The following ELFN2 variants were observed in gnomAD, a reference collection of about 807,000 sequenced individuals.
ELFN2 encodes the protein extracellular leucine rich repeat and fibronectin type III domain containing 2.
Under a neutral mutation model 45.5 loss-of-function variants are expected in ELFN2, and 17 were observed. The observed-to-expected ratio is 0.37, with a 90% confidence interval of 0.26 to 0.56. The LOEUF is 0.56. ELFN2 is among the 20% of genes least tolerant of loss of function. ELFN2 has a pLI of 0.77. For missense variants in ELFN2, 922 were observed against 1,183.2 expected (o/e 0.78, Z 3.24); for synonymous variants, 550 against 551.5 (o/e 1.00, Z 0.04).
rs537282425 is a variant in ELFN2, at chr22:37,419,469, T to C, written c.-613-1550A>G. Among the ~76,000 whole-genome samples, 47 of 151,964 alleles carry C rather than the reference T, an allele frequency of 3.1e-4. No individual in the cohort carries two copies. In the South Asian group the frequency reaches 8.3e-3, roughly 27 times the overall value. On this transcript the variant is annotated intron_variant, in intron 1 of 2. Transcript: ENST00000402918. ...CGTGGGCCTAGAGACCAAGGTGCAC[T>C]GCACACAGCTGAACCAGAACACAGG...
intron 2 of ELFN2, among the ~76,000 whole-genome samples, chr22:37,395,651 C>T (rs752031816): frequency 6.6e-6 from 1 of 152,192 alleles, no homozygotes; most frequent in Non-Finnish European, 1.5e-5. Context: ...TTGGCTTCCT[C>T]ACCCACGGGG....
rs1218092250 is a variant in ELFN2 at position 37,368,909 on chromosome 22, G to A, written c.*4163C>T. ...ACCCACCCACCCACCCACCCTTCTG[G>A]CTCCTCTTGTCATTCACAGCTTGGC... On this transcript the variant is annotated 3_prime_UTR_variant, in exon 3 of 3. Coordinates refer to ENST00000402918, the MANE Select transcript of ELFN2 (RefSeq NM_052906.5). 6 of 47,838 alleles carry A rather than the reference G, an allele frequency of 1.3e-4. No individual in the cohort carries two copies. Among genetic ancestry groups the A allele is most frequent in the Non-Finnish European group, 2.4e-4 (6 of 25,254 alleles). 3.0% of individuals were successfully genotyped at this position (47,838 alleles called of 1,614,324 possible).
rs565629343 is a variant in ELFN2, at chr22:37,388,012, C to G, written c.-462-12016G>C. 2.0e-5 allele frequency among the ~76,000 whole-genome samples: 3 copies of G among 152,044 alleles called. No individual in the cohort carries two copies. The South Asian group carries it at 6.2e-4, about 32-fold the overall frequency. On this transcript the variant is annotated intron_variant, in intron 2 of 2. Coordinates refer to ENST00000402918, the MANE Select transcript of ELFN2 (RefSeq NM_052906.5). ...CAGACACAGTGAGAGGCACCCACACCTCCCCACCTGCCCCTAGTCCCGCCT... is the reference window on the plus strand; with the variant it reads ...CAGACACAGTGAGAGGCACCCACACGTCCCCACCTGCCCCTAGTCCCGCCT...
At position 37,375,608 on chromosome 22, in the gene ELFN2, C is replaced by T; in HGVS notation, c.-74G>A. ...CGGCCAGAGGCTGGGGCTGGCAGTACAGTCCTCCCTGGGGCCGCCACCATC... is the reference window on the plus strand; with the variant it reads ...CGGCCAGAGGCTGGGGCTGGCAGTATAGTCCTCCCTGGGGCCGCCACCATC... On this transcript the variant is annotated 5_prime_UTR_variant, in exon 3 of 3. Coordinates refer to ENST00000402918, the MANE Select transcript of ELFN2 (RefSeq NM_052906.5). 1.9e-5 allele frequency: 27 copies of T among 1,456,342 alleles called. No individual in the cohort carries two copies. The highest frequency in any genetic ancestry group is 2.5e-5 in the Non-Finnish European group (27 of 1,100,286). 90.2% of individuals were successfully genotyped at this position (1,456,342 alleles called of 1,614,324 possible).
intron 2 of ELFN2, among the ~76,000 whole-genome samples, chr22:37,394,905 C>A (rs1327904537): frequency 6.6e-6 from 1 of 151,984 alleles, no homozygotes; most frequent in Non-Finnish European, 1.5e-5. Flanking sequence ...GAGTTCGAGA[C>A]CAGCCTGGCC....
chr22:37,389,951 G>T (rs1398514243), intron 2 of ELFN2, among the ~76,000 whole-genome samples: 2 of 152,208 alleles, frequency 1.3e-5, no homozygotes, highest in African/African-American at 4.8e-5. Flanking sequence ...GACCAGGGGG[G>T]TGGGAACCAA....
intron 1 of ELFN2, among the ~76,000 whole-genome samples, chr22:37,359,407 G>A (rs1033386554): frequency 6.6e-5 from 10 of 152,108 alleles, no homozygotes; most frequent in South Asian, 2.1e-4. Flanking sequence ...TACCCCACTC[G>A]GAGGTTCTCC....
rs778843153 is a variant in ELFN2, at chr22:37,375,403, C to T, written c.132G>A (p.Pro44=). The part of the protein sequence containing the change: ...VWLAICSQNQ[P]PYETIPQHIN... ...TGTGCTGCGGGATGGTCTCGTAGGG[C>T]GGCTGGTTCTGGCTGCAGATGGCCA... Residue 44 remains proline, a synonymous_variant, in exon 3 of 3, where the codon CCG becomes CCA. Transcript: ENST00000402918. 1.4e-5 allele frequency: 22 copies of T among 1,614,038 alleles called. 1 individual carries two copies. The South Asian group carries it at 1.5e-4, about 11-fold the overall frequency.
chr22:37,410,707 C>T (rs922833318), intron 2 of ELFN2, among the ~76,000 whole-genome samples: 3 of 152,206 alleles, frequency 2.0e-5, no homozygotes, highest in African/African-American at 7.2e-5. Context: ...CCATCACAGC[C>T]CTGATCCCAT....
At chr22:37,386,936 A>G (rs887976552) in intron 2 of ELFN2, among the ~76,000 whole-genome samples, 18 of 152,232 alleles carry the variant, frequency 1.2e-4, no homozygotes, top group Non-Finnish European at 2.9e-5. Flanking sequence ...AAGTGGGACA[A>G]GAAGGGCACC....
intron 2 of ELFN2, among the ~76,000 whole-genome samples, chr22:37,410,623 A>T (rs1028178522): frequency 2.6e-5 from 4 of 152,086 alleles, no homozygotes; most frequent in Non-Finnish European, 4.4e-5. Flanking sequence ...CAAATTGGAG[A>T]GGGACGAGCC....
Position 37,371,240 on chromosome 22 carries a change from A to G in ELFN2, c.*1832T>C, listed in dbSNP as rs1204328031. The G allele has an allele frequency of 6.6e-6, 1 of 152,360 alleles. No homozygotes were observed. Among genetic ancestry groups the G allele is most frequent in the African/African-American group, 2.4e-5 (1 of 41,404 alleles). The allele number at this position is 152,360 out of a possible 1,614,324, so 9.4% of individuals were successfully genotyped here. A position where few individuals can be genotyped will look rare whatever the true frequency, so the allele number is the denominator to read the frequency against. The stretch of plus-strand genomic sequence containing the variant: ...GGATGGCACTAGCTTTCCTGGTCAG[A>G]GCCCCTGCCCACCAACAGTGCCGGT... On this transcript the variant is annotated 3_prime_UTR_variant, in exon 3 of 3. Transcript: ENST00000402918. The surrounding 1 kb of genome is among the most constrained non-coding windows in gnomAD (Gnocchi z 6.4).
Position 37,417,371 on chromosome 22 carries a change from T to C in ELFN2, c.-463+398A>G, listed in dbSNP as rs1028129839. 6.6e-6 allele frequency among the ~76,000 whole-genome samples: 1 copy of C among 152,172 alleles called. No homozygotes were observed. Among genetic ancestry groups the C allele is most frequent in the African/African-American group, 2.4e-5 (1 of 41,460 alleles). ...CACCTGAGCGAGACCCCCACCATGTTGTCCCAGGCCTTCCCCTGGAAGCTG... is the reference window on the plus strand; with the variant it reads ...CACCTGAGCGAGACCCCCACCATGTCGTCCCAGGCCTTCCCCTGGAAGCTG... On this transcript the variant is annotated intron_variant, in intron 2 of 2. Coordinates refer to ENST00000402918, the MANE Select transcript of ELFN2 (RefSeq NM_052906.5). This position sits in a 1 kb window ranked among gnomAD's most constrained non-coding sequence, Gnocchi z 4.5.
intron 2 of ELFN2, among the ~76,000 whole-genome samples, chr22:37,405,762 G>A (rs564741636): frequency 1.8e-4 from 27 of 150,690 alleles, no homozygotes; most frequent in Admixed American, 9.2e-4. Context: ...TGGCCTCTCC[G>A]AACTGTGTGA....
At chr22:37,426,720 C>T (rs555689624) in intron 1 of ELFN2, among the ~76,000 whole-genome samples, 3 of 152,152 alleles carry the variant, frequency 2.0e-5, no homozygotes, top group African/African-American at 7.2e-5. Context: ...CGATTTATGC[C>T]GCCTCCCTGG....
rs1246982191 is a variant in ELFN2 at position 37,374,731 on chromosome 22, C to T, written c.804G>A (p.Glu268=). 8 of 1,611,724 alleles carry T rather than the reference C, an allele frequency of 5.0e-6. No homozygotes were observed. The highest frequency in any genetic ancestry group is 2.7e-5 in the African/African-American group (2 of 74,900). The change falls in exon 3 of 3, where the codon GAG becomes GAA. Residue 268 remains glutamate, a synonymous_variant. Coordinates refer to ENST00000402918, the MANE Select transcript of ELFN2 (RefSeq NM_052906.5). The part of the protein sequence containing the change: ...PTPYSTDAQR[E]PDENSGFNPD... ...GGTTGAAGCCCGAGTTCTCGTCTGG[C>T]TCCCTCTGGGCGTCGGTGGAGTAGG...
At chr22:37,357,008 G>T (rs1237803001) in intron 1 of ELFN2, among the ~76,000 whole-genome samples, 1 of 152,124 alleles carries the variant, frequency 6.6e-6, no homozygotes, top group Non-Finnish European at 1.5e-5. Flanking sequence ...GTAAAATCAG[G>T]AGGACGGCAG....
rs567832132 is a variant in ELFN2, at chr22:37,377,673, G to A, written c.-462-1677C>T. On this transcript the variant is annotated intron_variant, in intron 2 of 2. Transcript: ENST00000402918. ...CCGCTGGACTAAAGGCTGATGCTAC[G>A]TCAGAGGCCATCAGAGGCTGTGATG... 3.3e-4 allele frequency among the ~76,000 whole-genome samples: 50 copies of A among 152,312 alleles called. No individual in the cohort carries two copies. The South Asian group carries it at 3.3e-3, about 10-fold the overall frequency.
At chr22:37,383,782 C>T (rs1023292406) in intron 2 of ELFN2, among the ~76,000 whole-genome samples, 1 of 152,248 alleles carries the variant, frequency 6.6e-6, no homozygotes, top group African/African-American at 2.4e-5. Flanking sequence ...AAGAGCTTAA[C>T]AAGAACCACA....
Sources: allele counts gnomAD v4.1 joint callset (sites outside exome capture counted in the v4.1 genomes callset), GRCh38; gene constraint gnomAD v4.1.1; non-coding constraint Gnocchi (gnomAD v3.1); transcripts MANE v1.5; gene names NCBI Gene and HGNC (gene_info 2026-07-23, HGNC 2026-07-21).